The following MCTS1 variants were observed in gnomAD, a reference collection of about 807,000 sequenced individuals.
MCTS1 encodes the protein malignant T-cell-amplified sequence 1.
For missense variants in MCTS1, 55 were observed against 128.6 expected (o/e 0.43, Z 2.77); for synonymous variants, 26 against 40.8 (o/e 0.64, Z 1.38).
At chrX:120,605,701 C>T in intron 2 of MCTS1, 142 bp downstream of exon 2, 2 of 611,752 alleles carry the variant, frequency 3.3e-6, no homozygotes, top group Non-Finnish European at 4.7e-6. Context: ...CTCTAAAACT[C>T]CAATATTTGT....
intron 3 of MCTS1, 120 bp downstream of exon 3, chrX:120,606,296 A>G: frequency 2.8e-6 from 1 of 363,173 alleles, no homozygotes; most frequent in Non-Finnish European, 4.7e-6. Context: ...AAAAACAGAA[A>G]TATGCATTTG....
rs1926836061 is a variant in MCTS1 at position 120,615,811 on chromosome X, GT to G, written c.*3552del. On this transcript the variant is annotated 3_prime_UTR_variant, in exon 6 of 6. Transcript: ENST00000371317. ...TGGGAAGCTGCATTTTTCCTTTTCT[GT>G]TTTTATGCTCTGGACCCCAAACAAA... 9.0e-6 allele frequency among the ~76,000 whole-genome samples: 1 copy of G among 111,202 alleles called. No individual in the cohort carries two copies. Among genetic ancestry groups the G allele is most frequent in the African/African-American group, 3.3e-5 (1 of 30,638 alleles).
chrX:120,604,443 G>T, intron 1 of MCTS1, 196 bp downstream of exon 1: 1 of 561,843 alleles, frequency 1.8e-6, no homozygotes, highest in Non-Finnish European at 2.7e-6. Flanking sequence ...TCCTTAATTG[G>T]GTTTCAGTCC....
At position 120,604,149 on chromosome X, in the gene MCTS1, C is replaced by T. The variant is rs1449545983; in HGVS notation, c.-88C>T. On this transcript the variant is annotated 5_prime_UTR_variant, in exon 1 of 6. Transcript: ENST00000371317. ...TCCGACTGTCAGTGCCGGCCTTCCT[C>T]GTGTGAGGGGATCTGCCGGACCCCT... 7 of 1,097,048 alleles carry T rather than the reference C, an allele frequency of 6.4e-6. No homozygotes were observed. The highest frequency in any genetic ancestry group is 2.3e-5 in the Admixed American group (1 of 44,073). The allele number at this position is 1,097,048 out of a possible 1,213,427, so 90.4% of individuals were successfully genotyped here. A position where few individuals can be genotyped will look rare whatever the true frequency, so the allele number is the denominator to read the frequency against.
At chrX:120,608,479 A>T (rs971586639) in intron 4 of MCTS1, 121 bp downstream of exon 4, 1 of 760,679 alleles carries the variant, frequency 1.3e-6, no homozygotes, top group Non-Finnish European at 1.8e-6. Flanking sequence ...TGTTACTCTT[A>T]TCTCATGCCT....
chrX:120,611,737 A>G (rs1466886058), intron 5 of MCTS1, among the ~76,000 whole-genome samples: 3 of 112,314 alleles, frequency 2.7e-5, no homozygotes, highest in Non-Finnish European at 5.6e-5. Context: ...CTAGTTTTAA[A>G]AACAGTGATA....
rs1026216128 is a variant in MCTS1, at chrX:120,618,044, T to C, written c.*5780T>C. Among the ~76,000 whole-genome samples, 19 of 112,859 alleles carry C rather than the reference T, an allele frequency of 1.7e-4. No individual in the cohort carries two copies. Among genetic ancestry groups the C allele is most frequent in the African/African-American group, 6.1e-4 (19 of 31,058 alleles). ...TGTTGTCTTTGTCCCCAAATTCTGG[T>C]GTTGTCCTATGCTGATGCATAATGA... On this transcript the variant is annotated 3_prime_UTR_variant, in exon 6 of 6. Transcript: ENST00000371317.
In MCTS1 at chrX:120,604,265, C is replaced by T. The variant is rs1602606693; in HGVS notation, c.11+18C>T. ...TTCAAGAAGTAAGGACATGCTGTGGCCTCCATCGGCTGCTCACAAAGGCGG... is the reference window on the plus strand; with the variant it reads ...TTCAAGAAGTAAGGACATGCTGTGGTCTCCATCGGCTGCTCACAAAGGCGG... On this transcript the variant is annotated intron_variant, in intron 1 of 5. Coordinates refer to ENST00000371317, the MANE Select transcript of MCTS1 (RefSeq NM_014060.3). 1.7e-6 allele frequency: 2 copies of T among 1,204,798 alleles called. No homozygotes were observed. The highest frequency in any genetic ancestry group is 1.8e-5 in the African/African-American group (1 of 56,207).
At chrX:120,607,063 C>T in intron 3 of MCTS1, among the ~76,000 whole-genome samples, 1 of 105,311 alleles carries the variant, frequency 9.5e-6, no homozygotes, top group Non-Finnish European at 1.9e-5. Flanking sequence ...AAGTGTCCTT[C>T]CGTCCAGGTA....
intron 5 of MCTS1, 50 bp from the exon 6 acceptor site, chrX:120,612,133 A>G (rs748274525): frequency 2.3e-6 from 2 of 887,257 alleles, no homozygotes; most frequent in East Asian, 6.2e-5. Flanking sequence ...CACGAGTAAG[A>G]CTATAAAAAT....
At chrX:120,610,407 G>A (rs1926656109) in intron 4 of MCTS1, among the ~76,000 whole-genome samples, 1 of 110,791 alleles carries the variant, frequency 9.0e-6, no homozygotes, top group Non-Finnish European at 1.9e-5. Flanking sequence ...GAGGTCAGGA[G>A]TTCAAGACCA....
Position 120,604,120 on chromosome X carries a change from C to A in MCTS1, c.-117C>A. ...GCTCTCGTTTTCCGGATAACGACTA[C>A]AGCTCCGACTGTCAGTGCCGGCCTT... On this transcript the variant is annotated 5_prime_UTR_variant, in exon 1 of 6. Transcript: ENST00000371317. The A allele has an allele frequency of 1.1e-6, 1 of 926,508 alleles. No homozygotes were observed. The highest frequency in any genetic ancestry group is 1.5e-6 in the Non-Finnish European group (1 of 654,647). 76.4% of individuals were successfully genotyped at this position (926,508 alleles called of 1,213,427 possible).
At chrX:120,611,226 C>G in intron 5 of MCTS1, 148 bp downstream of exon 5, 2 of 475,553 alleles carry the variant, frequency 4.2e-6, no homozygotes, top group African/African-American at 2.4e-5. Context: ...TTTCCTAACA[C>G]TTAGGAAGCC....
chrX:120,611,408 A>G, intron 5 of MCTS1: 1 of 129,354 alleles, frequency 7.7e-6, no homozygotes, highest in Non-Finnish European at 1.6e-5. Flanking sequence ...CATTTTATTT[A>G]TTTTTATTTT....
In MCTS1 at chrX:120,612,928, C is replaced by CTT. The variant is rs541130604; in HGVS notation, c.*679_*680dup. On this transcript the variant is annotated 3_prime_UTR_variant, in exon 6 of 6. Transcript: ENST00000371317. ...TCATTTCATCCATAACTACTTTATT[C>CTT]TTTTTTTTTTTTTTTTGAAACAGGG... is the stretch of plus-strand genomic sequence containing the variant. Among the ~76,000 whole-genome samples, 235 of 93,113 alleles carry CTT rather than the reference C, an allele frequency of 2.5e-3. 1 individual carries two copies. The highest frequency in any genetic ancestry group is 3.7e-3 in the South Asian group (7 of 1,879). 80.9% of individuals were successfully genotyped at this position (93,113 alleles called of 115,157 possible). A position where few individuals can be genotyped will look rare whatever the true frequency, so the allele number is the denominator to read the frequency against.
At position 120,615,159 on chromosome X, in the gene MCTS1, CAGATGT is replaced by C. The variant is rs1254663317; in HGVS notation, c.*2896_*2901del. ...AGGCAATTCAAAGAGATTAAACTAG[CAGATGT>C]GTCAGCATCTTTAGATACTGTGCTT... On this transcript the variant is annotated 3_prime_UTR_variant, in exon 6 of 6. Transcript: ENST00000371317. 8.9e-6 allele frequency among the ~76,000 whole-genome samples: 1 copy of C among 112,365 alleles called. No individual in the cohort carries two copies. The highest frequency in any genetic ancestry group is 1.9e-5 in the Non-Finnish European group (1 of 53,296).
Position 120,604,231 on chromosome X carries a change from T to G in MCTS1, c.-6T>G. 8.3e-7 allele frequency: 1 copy of G among 1,206,053 alleles called. No homozygotes were observed. Among genetic ancestry groups the G allele is most frequent in the Non-Finnish European group, 1.1e-6 (1 of 893,025 alleles). On this transcript the variant is annotated 5_prime_UTR_variant, in exon 1 of 6. Transcript: ENST00000371317. ...TTCCCTATCGTCGCCCCCTTCACCTTGGATCATGTTCAAGAAGTAAGGACA... is the reference window on the plus strand; with the variant it reads ...TTCCCTATCGTCGCCCCCTTCACCTGGGATCATGTTCAAGAAGTAAGGACA...
At chrX:120,609,093 C>T (rs1926616309) in intron 4 of MCTS1, among the ~76,000 whole-genome samples, 1 of 111,684 alleles carries the variant, frequency 9.0e-6, no homozygotes, top group Non-Finnish European at 1.9e-5. Context: ...AACATCTTCT[C>T]CTTTATCATA....
chrX:120,604,626 G>T (rs1926484177), intron 1 of MCTS1: 2 of 972,218 alleles, frequency 2.1e-6, no homozygotes, highest in African/African-American at 2.0e-5. Flanking sequence ...TATTAGTTAT[G>T]AACTGAATAA....
Sources: allele counts gnomAD v4.1 joint callset (sites outside exome capture counted in the v4.1 genomes callset), GRCh38; gene constraint gnomAD v4.1.1; transcripts MANE v1.5; gene names NCBI Gene and HGNC (gene_info 2026-07-23, HGNC 2026-07-21).